CCDC93: variants seen among roughly 807,000 people sequenced by gnomAD.
CCDC93 encodes CCC complex scaffolding subunit CCDC93, also known as coiled-coil domain-containing protein 93.
Under a neutral mutation model 108.2 loss-of-function variants are expected in CCDC93, and 61 were observed. The ratio of observed to expected loss-of-function variants is 0.56; its 90% confidence interval spans 0.46 to 0.70. The LOEUF is 0.70. CCDC93 is among the 30% of genes least tolerant of loss of function. The pLI, the probability that CCDC93 is intolerant of heterozygous loss-of-function variation, is 0.00. For missense variants in CCDC93, 685 were observed against 764.2 expected (o/e 0.90, Z 1.22); for synonymous variants, 276 against 260.4 (o/e 1.06, Z -0.58).
chr2:117,932,108 T>G (rs975312831), intron 22 of CCDC93, among the ~76,000 whole-genome samples: 1 of 152,122 alleles, frequency 6.6e-6, no homozygotes, highest in African/African-American at 2.4e-5. Context: ...AGAGAGGCTC[T>G]CTGAGGACAC....
chr2:117,982,618 A>C (rs927122492), intron 7 of CCDC93, among the ~76,000 whole-genome samples: 1 of 152,224 alleles, frequency 6.6e-6, no homozygotes, highest in Non-Finnish European at 1.5e-5. Context: ...TTCAACCCCA[A>C]GGAAGAAATA....
In CCDC93 at chr2:117,916,545, C is replaced by T. The variant is rs1677691591; in HGVS notation, c.*3798G>A. 6.6e-6 allele frequency: 1 copy of T among 152,178 alleles called. No individual in the cohort carries two copies. The highest frequency in any genetic ancestry group is 2.1e-4 in the South Asian group (1 of 4,824). The allele number at this position is 152,178 out of a possible 1,614,324, so 9.4% of individuals were successfully genotyped here. ...GATGCAAAGTTGCAATGTGGAAAAG[C>T]CATTTTATCCAACCGGAATTTCCCA... On this transcript the variant is annotated 3_prime_UTR_variant, in exon 24 of 24. Coordinates refer to ENST00000376300, the MANE Select transcript of CCDC93 (RefSeq NM_019044.5).
intron 3 of CCDC93, among the ~76,000 whole-genome samples, chr2:118,005,138 C>A (rs1676828668): frequency 1.3e-5 from 2 of 151,780 alleles, no homozygotes; most frequent in African/African-American, 4.8e-5. Flanking sequence ...GAAATATAGA[C>A]AAGGAATTGA....
At chr2:117,941,555 C>G (rs189031272) in intron 18 of CCDC93, among the ~76,000 whole-genome samples, 3 of 152,172 alleles carry the variant, frequency 2.0e-5, no homozygotes, top group Admixed American at 2.0e-4. Flanking sequence ...AGGGAAGATA[C>G]TGAATGGGAA....
chr2:118,008,651 G>T lies in CCDC93; in HGVS notation c.50C>A (p.Thr17Lys). 2 of 1,605,712 alleles carry T rather than the reference G, an allele frequency of 1.2e-6. No homozygotes were observed. The highest frequency in any genetic ancestry group is 1.7e-6 in the Non-Finnish European group (2 of 1,173,204). ...GACATTTTGTTCTTCATCTTCTCTT[G>T]TTTCCACCTAAAATAAAAGGTAAAA... ...PEGQGLPEVE[T>K]REDEEQNVKL... Residue 17 changes from threonine (T) to lysine (K), a missense_variant, in exon 2 of 24, where the codon ACA (threonine) becomes AAA (lysine). By Grantham distance (78) the Thr-to-Lys change is moderately conservative (BLOSUM62 -1). Transcript: ENST00000376300.
chr2:117,927,517 T>C (rs962291682), intron 23 of CCDC93, among the ~76,000 whole-genome samples: 3 of 152,058 alleles, frequency 2.0e-5, no homozygotes, highest in Non-Finnish European at 4.4e-5. Context: ...TCACAACTGC[T>C]TCAAAGAGAA....
intron 6 of CCDC93, among the ~76,000 whole-genome samples, chr2:117,992,302 G>C (rs1020562205): frequency 5.3e-5 from 8 of 152,078 alleles, no homozygotes; most frequent in African/African-American, 1.9e-4. Context: ...GAGTATAGTG[G>C]CATAATCACA....
chr2:117,948,264 G>A, intron 14 of CCDC93, 78 bp from the exon 15 acceptor site: 4 of 958,244 alleles, frequency 4.2e-6, no homozygotes, highest in Non-Finnish European at 4.9e-6. Flanking sequence ...CAGGTCCGCA[G>A]CTAAAAAAGG....
intron 11 of CCDC93, 22 bp downstream of exon 11, chr2:117,973,886 C>T (rs571155377): frequency 2.5e-6 from 4 of 1,573,454 alleles, no homozygotes; most frequent in African/African-American, 2.7e-5. Flanking sequence ...GGGGCACAGA[C>T]TCCAGCTGGG....
At chr2:117,953,819 A>C (rs1679135611) in intron 12 of CCDC93, among the ~76,000 whole-genome samples, 1 of 151,766 alleles carries the variant, frequency 6.6e-6, no homozygotes, top group South Asian at 2.1e-4. Flanking sequence ...GCTTCATCCC[A>C]GGAGGCTGAG....
chr2:117,950,204 T>C, intron 13 of CCDC93: 1 of 985,328 alleles, frequency 1.0e-6, no homozygotes, highest in Non-Finnish European at 1.2e-6. Flanking sequence ...ATTTTAAAAT[T>C]AAAGATGAAC....
intron 2 of CCDC93, among the ~76,000 whole-genome samples, chr2:118,007,242 A>T (rs1676898447): frequency 6.6e-6 from 1 of 152,274 alleles, no homozygotes; most frequent in African/African-American, 2.4e-5. Context: ...GTTTCCATAC[A>T]TCTTATTTTT....
chr2:117,997,518 G>C (rs796282411), intron 4 of CCDC93: 13 of 152,336 alleles, frequency 8.5e-5, no homozygotes, highest in African/African-American at 2.9e-4. Flanking sequence ...ATAACACTGT[G>C]CTGCACGGTG....
At chr2:118,012,698 C>T (rs1020647171) in intron 1 of CCDC93, 1 of 152,222 alleles carries the variant, frequency 6.6e-6, no homozygotes, top group African/African-American at 2.4e-5. Flanking sequence ...AGGCAACGTG[C>T]ATGTAAGATT....
intron 11 of CCDC93, among the ~76,000 whole-genome samples, chr2:117,962,336 CCTGA>C (rs1175823424): frequency 6.6e-6 from 1 of 152,210 alleles, no homozygotes; most frequent in East Asian, 1.9e-4. Flanking sequence ...TTTTTGGTAC[CCTGA>C]CTGACCAATT....
At chr2:117,956,405 A>G (rs1679218792) in intron 12 of CCDC93, among the ~76,000 whole-genome samples, 1 of 152,200 alleles carries the variant, frequency 6.6e-6, no homozygotes, top group Non-Finnish European at 1.5e-5. Context: ...ATTTGTGTTG[A>G]GGCTTAGTAT....
intron 11 of CCDC93, among the ~76,000 whole-genome samples, chr2:117,961,688 TGA>T (rs1377953831): frequency 6.6e-6 from 1 of 152,172 alleles, no homozygotes; most frequent in Admixed American, 6.5e-5. Context: ...GTTCATTCAC[TGA>T]GAGATACGAT....
At chr2:117,992,061 G>A (rs1293489513) in intron 6 of CCDC93, among the ~76,000 whole-genome samples, 1 of 152,146 alleles carries the variant, frequency 6.6e-6, no homozygotes, top group South Asian at 2.1e-4. Context: ...GAAGTGAGGG[G>A]TGTTTAAGCA....
chr2:117,983,929 T>C (rs1254113165), intron 7 of CCDC93, among the ~76,000 whole-genome samples: 2 of 152,150 alleles, frequency 1.3e-5, no homozygotes, highest in Non-Finnish European at 2.9e-5. Flanking sequence ...CCTAAAAATA[T>C]ACTCTCACTG....
Sources: allele counts gnomAD v4.1 joint callset (sites outside exome capture counted in the v4.1 genomes callset), GRCh38; gene constraint gnomAD v4.1.1; transcripts MANE v1.5; gene names NCBI Gene and HGNC (gene_info 2026-07-23, HGNC 2026-07-21).